Variants in ELOVL6 observed in about 807,000 individuals in gnomAD.
The protein encoded by ELOVL6 is very long chain fatty acid elongase 6.
ELOVL6 carries 8 observed loss-of-function variants against 31.7 expected under a neutral mutation model. The observed-to-expected ratio is 0.25, with a 90% CI of 0.15 to 0.45. ELOVL6 has a LOEUF of 0.45. ELOVL6 is among the 20% of genes least tolerant of loss of function. ELOVL6 has a pLI of 1.00. For missense variants in ELOVL6, 126 were observed against 326.4 expected (o/e 0.39, Z 4.73); for synonymous variants, 101 against 117.7 (o/e 0.86, Z 0.92).
chr4:110,088,664 C>G (rs556597328), intron 2 of ELOVL6, among the ~76,000 whole-genome samples: 4 of 152,284 alleles, frequency 2.6e-5, no homozygotes, highest in African/African-American at 9.6e-5. Context: ...TTTGGCATAT[C>G]CAAGTAGCCA....
chr4:110,149,445 G>A (rs1279004924), intron 1 of ELOVL6, among the ~76,000 whole-genome samples: 4 of 152,150 alleles, frequency 2.6e-5, no homozygotes, highest in African/African-American at 9.7e-5. Flanking sequence ...ATACTACTCA[G>A]TCATAAAAAG....
intron 3 of ELOVL6, among the ~76,000 whole-genome samples, chr4:110,058,697 C>T (rs143764790): frequency 2.7e-4 from 41 of 152,170 alleles, no homozygotes; most frequent in African/African-American, 9.4e-4. Context: ...AAGTTAACTG[C>T]GGTTTTGCCA....
intron 2 of ELOVL6, among the ~76,000 whole-genome samples, chr4:110,084,238 T>TATAAGTTATATGATATATAAC (rs1412482333): frequency 8.8e-6 from 1 of 114,194 alleles, no homozygotes; most frequent in African/African-American, 4.4e-5. Flanking sequence ...ATATATAACA[T>TATAAGTTATATGATATATAAC]ATATGATATA....
chr4:110,097,106 G>C (rs1462861449), intron 2 of ELOVL6, among the ~76,000 whole-genome samples: 1 of 152,018 alleles, frequency 6.6e-6, no homozygotes, highest in Non-Finnish European at 1.5e-5. Flanking sequence ...AGGAGTTCAA[G>C]ACCAGCCTGG....
At chr4:110,156,828 T>A (rs370587982) in intron 1 of ELOVL6, among the ~76,000 whole-genome samples, 7 of 152,228 alleles carry the variant, frequency 4.6e-5, no homozygotes, top group African/African-American at 1.7e-4. Context: ...AACGAGTATC[T>A]GCCTTGGAAC....
At chr4:110,066,801 A>G (rs147230682) in intron 2 of ELOVL6, among the ~76,000 whole-genome samples, 2,554 of 152,212 alleles carry the variant, frequency 0.017, 65 homozygotes, top group African/African-American at 0.059. Context: ...CAGAACGTGC[A>G]GGTTTGCTAC....
At chr4:110,052,534 G>T (rs1198254286) in intron 3 of ELOVL6, among the ~76,000 whole-genome samples, 1 of 152,160 alleles carries the variant, frequency 6.6e-6, no homozygotes, top group Non-Finnish European at 1.5e-5. Flanking sequence ...AGATTTCCAG[G>T]ATCTATCAAA....
intron 1 of ELOVL6, among the ~76,000 whole-genome samples, chr4:110,190,403 C>T (rs1190064950): frequency 1.3e-5 from 2 of 152,074 alleles, no homozygotes; most frequent in African/African-American, 4.8e-5. Flanking sequence ...AATGTGTAGG[C>T]TTGACCTTAG....
intron 2 of ELOVL6, among the ~76,000 whole-genome samples, chr4:110,091,291 T>A (rs1335271144): frequency 6.6e-6 from 1 of 152,206 alleles, no homozygotes; most frequent in Non-Finnish European, 1.5e-5. Flanking sequence ...AGTAAACATG[T>A]ATAAGGTGGC....
intron 1 of ELOVL6, among the ~76,000 whole-genome samples, chr4:110,184,704 G>A (rs927478124): frequency 1.3e-5 from 2 of 152,166 alleles, no homozygotes; most frequent in African/African-American, 2.4e-5. Flanking sequence ...AACTCACACA[G>A]GAATTGGTTG....
At chr4:110,159,445 T>C (rs1382434258) in intron 1 of ELOVL6, among the ~76,000 whole-genome samples, 2 of 152,090 alleles carry the variant, frequency 1.3e-5, no homozygotes, top group East Asian at 1.9e-4. Flanking sequence ...TTTTTTACTA[T>C]AGAAATAAAG....
intron 2 of ELOVL6, among the ~76,000 whole-genome samples, chr4:110,084,164 G>GATATAACATATAACTTATA (rs1560814317): frequency 2.2e-5 from 1 of 45,604 alleles, no homozygotes; most frequent in African/African-American, 2.5e-4. Flanking sequence ...TAACATATAT[G>GATATAACATATAACTTATA]TGATATATAT....
At chr4:110,141,855 G>GTATATATATA (rs57733252) in intron 1 of ELOVL6, among the ~76,000 whole-genome samples, 30,454 of 126,044 alleles carry the variant, frequency 0.24, 4,297 homozygotes, top group East Asian at 0.44. Flanking sequence ...AATACAATTA[G>GTATATATATA]TATATATATA....
At chr4:110,174,086 CAAA>C (rs1759030449) in intron 1 of ELOVL6, among the ~76,000 whole-genome samples, 1 of 147,770 alleles carries the variant, frequency 6.8e-6, no homozygotes, top group Non-Finnish European at 1.5e-5. Flanking sequence ...GATTAACCCA[CAAA>C]AATTAGAAAT....
At chr4:110,196,004 T>C (rs1759765385) in intron 1 of ELOVL6, among the ~76,000 whole-genome samples, 1 of 152,138 alleles carries the variant, frequency 6.6e-6, no homozygotes, top group Admixed American at 6.5e-5. Flanking sequence ...CGTTGGCACA[T>C]TTTTGTCATT....
intron 2 of ELOVL6, among the ~76,000 whole-genome samples, chr4:110,095,584 A>C (rs1756558171): frequency 2.6e-5 from 4 of 152,106 alleles, no homozygotes. Flanking sequence ...AAAAGTTTGC[A>C]TAGGGCAGTG....
At chr4:110,172,472 C>T (rs1048596986) in intron 1 of ELOVL6, among the ~76,000 whole-genome samples, 4 of 152,122 alleles carry the variant, frequency 2.6e-5, no homozygotes, top group Non-Finnish European at 4.4e-5. Context: ...TCAGTACCCC[C>T]AGCAACTTTA....
At chr4:110,167,654 TATG>T (rs1292537871) in intron 1 of ELOVL6, among the ~76,000 whole-genome samples, 3 of 4,520 alleles carry the variant, frequency 6.6e-4, no homozygotes, top group East Asian at 6.2e-3. Flanking sequence ...CCACCTCAGT[TATG>T]TATGTATGTA....
At chr4:110,184,472 C>T (rs550462074) in intron 1 of ELOVL6, among the ~76,000 whole-genome samples, 1 of 152,260 alleles carries the variant, frequency 6.6e-6, no homozygotes, top group South Asian at 2.1e-4. Flanking sequence ...ACAAGGGCTG[C>T]TTCTAGAGGT....
Sources: gnomAD v4.1 joint callset for allele counts (sites outside exome capture counted in the v4.1 genomes callset) on GRCh38, gnomAD v4.1.1 for gene constraint, MANE v1.5 for transcripts, NCBI Gene and HGNC (gene_info 2026-07-23, HGNC 2026-07-21) for gene names.